Variants in GPRC5A observed in about 807,000 individuals in gnomAD.
GPRC5A encodes the protein G protein-coupled receptor class C group 5 member A.
A neutral mutation model predicts 22.5 loss-of-function variants in GPRC5A; 19 were observed. The observed-to-expected ratio is 0.85, with a 90% CI of 0.59 to 1.24. The LOEUF (loss-of-function observed/expected upper bound fraction) is 1.24, where lower values mean the gene tolerates loss of function less well. Ranked by LOEUF, GPRC5A falls within the 50% of genes most tolerant of loss-of-function variation. The probability of loss-of-function intolerance (pLI) is 0.00; values close to 1 mark genes in which losing one functional copy is unlikely to be tolerated. For synonymous variants in GPRC5A, 192 were observed against 184.5 expected, an observed-to-expected ratio of 1.04 and a Z score of -0.33; for missense variants, 471 against 451.1, an observed-to-expected ratio of 1.04 and a Z score of -0.40.
In GPRC5A at chr12:12,917,639, T is replaced by G. The variant is rs2136466511; in HGVS notation, c.*5100T>G. 1 of 152,318 alleles carries G rather than the reference T, an allele frequency of 6.6e-6. No individual in the cohort carries two copies. Among genetic ancestry groups the G allele is most frequent in the East Asian group, 1.9e-4 (1 of 5,182 alleles). The allele number at this position is 152,318 out of a possible 1,614,324, so 9.4% of individuals were successfully genotyped here. A position where few individuals can be genotyped will look rare whatever the true frequency, so the allele number is the denominator to read the frequency against. ...TCCTCTGGTCATCTCCTCTCCCTTC[T>G]GCGTGTAAGCCATGGGAAAGGGATG... On this transcript the variant is annotated 3_prime_UTR_variant, in exon 4 of 4. Transcript: ENST00000014914.
intron 1 of GPRC5A, among the ~76,000 whole-genome samples, chr12:12,905,262 C>T (rs1863929379): frequency 6.6e-6 from 1 of 152,152 alleles, no homozygotes; most frequent in South Asian, 2.1e-4. Context: ...TCTTTTCCTG[C>T]TTCCCAACCC....
rs771772986 is a variant in GPRC5A, at chr12:12,917,239, TGTGTGTGTGTGTGCGTGC to T, written c.*4704_*4721del. On this transcript the variant is annotated 3_prime_UTR_variant, in exon 4 of 4. Transcript: ENST00000014914. ...GTGTGTGTGTGTGTGTGTGTGTGTG[TGTGTGTGTGTGTGCGTGC>T]GTGCGTGTATGTGCGCCTGACCCTG... 7.3e-4 allele frequency: 90 copies of T among 123,856 alleles called. No homozygotes were observed. The highest frequency in any genetic ancestry group is 7.0e-3 in the East Asian group (28 of 4,004). The allele number at this position is 123,856 out of a possible 1,614,324, so 7.7% of individuals were successfully genotyped here. A position where few individuals can be genotyped will look rare whatever the true frequency, so the allele number is the denominator to read the frequency against.
At chr12:12,901,983 T>C (rs1863892874) in intron 1 of GPRC5A, among the ~76,000 whole-genome samples, 1 of 152,214 alleles carries the variant, frequency 6.6e-6, no homozygotes, top group African/African-American at 2.4e-5. Context: ...GCTGTTTCTC[T>C]AGCTCCAGAC....
In GPRC5A at chr12:12,908,531, G is replaced by A. The variant is rs1863967064; in HGVS notation, c.282G>A (p.Gly94=). The change falls in exon 2 of 4, where the codon GGG becomes GGA. Residue 94 remains glycine (G), a synonymous_variant. Transcript: ENST00000014914. ...TCATCGGACTGGACGGGAGCACAGGGCCCACACGCTTCTTCCTCTTTGGGA... is the reference window on the plus strand; with the variant it reads ...TCATCGGACTGGACGGGAGCACAGGACCCACACGCTTCTTCCTCTTTGGGA... The part of the protein sequence containing the change: ...AFIIGLDGST[G]PTRFFLFGIL... 6.2e-7 allele frequency: 1 copy of A among 1,614,106 alleles called. No individual in the cohort carries two copies. The highest frequency in any genetic ancestry group is 1.1e-5 in the South Asian group (1 of 91,078).
At chr12:12,904,699 A>G in intron 1 of GPRC5A, among the ~76,000 whole-genome samples, 1 of 152,134 alleles carries the variant, frequency 6.6e-6, no homozygotes, top group East Asian at 1.9e-4. Flanking sequence ...ATCTGGTGTC[A>G]CTTTAACACA....
chr12:12,894,940 G>A (rs1326955343), intron 1 of GPRC5A, among the ~76,000 whole-genome samples: 4 of 151,868 alleles, frequency 2.6e-5, no homozygotes, highest in South Asian at 2.1e-4. Context: ...CACCATGCCC[G>A]GCTAATTTTT....
rs571060246 is a variant in GPRC5A, at chr12:12,915,798, G to A, written c.*3259G>A. ...CTGAAAGTGCTGGGATTACAGGCAT[G>A]AGCCACCGCGCCCGGCCCCGTTGTT... is the stretch of plus-strand genomic sequence containing the variant. On this transcript the variant is annotated 3_prime_UTR_variant, in exon 4 of 4. Transcript: ENST00000014914. The A allele has an allele frequency of 4.0e-6, 2 of 501,662 alleles. No homozygotes were observed. The highest frequency in any genetic ancestry group is 2.1e-5 in the Admixed American group (1 of 48,056). The allele number at this position is 501,662 out of a possible 1,614,324, so 31.1% of individuals were successfully genotyped here.
chr12:12,897,269 A>C (rs563333562), intron 1 of GPRC5A, among the ~76,000 whole-genome samples: 11 of 151,460 alleles, frequency 7.3e-5, no homozygotes, highest in African/African-American at 2.7e-4. Flanking sequence ...TAATAGTAAT[A>C]ATGATAATAA....
chr12:12,911,488 C>CTT (rs985574641), intron 2 of GPRC5A, among the ~76,000 whole-genome samples: 2 of 142,586 alleles, frequency 1.4e-5, no homozygotes, highest in African/African-American at 2.6e-5. Context: ...ATGACTTTTT[C>CTT]TTTTTTTTTT....
chr12:12,898,370 C>CA (rs1202137756), intron 1 of GPRC5A, among the ~76,000 whole-genome samples: 1 of 152,056 alleles, frequency 6.6e-6, no homozygotes, highest in African/African-American at 2.4e-5. Context: ...CCCACCTCTA[C>CA]AAAAAATACA....
Position 12,916,141 on chromosome 12 carries a change from C to A in GPRC5A, c.*3602C>A, listed in dbSNP as rs138220174. ...CTGAGAATCAAACTGGAGAACATTCCGAAGCCGTTCTTATAAGTGTCTCCA... is the reference window on the plus strand; with the variant it reads ...CTGAGAATCAAACTGGAGAACATTCAGAAGCCGTTCTTATAAGTGTCTCCA... On this transcript the variant is annotated 3_prime_UTR_variant, in exon 4 of 4. Transcript: ENST00000014914. 137 of 171,774 alleles carry A rather than the reference C, an allele frequency of 8.0e-4. No individual in the cohort carries two copies. Among genetic ancestry groups the A allele is most frequent in the African/African-American group, 3.2e-3 (135 of 41,936 alleles). The allele number at this position is 171,774 out of a possible 1,614,324, so 10.6% of individuals were successfully genotyped here.
At chr12:12,900,872 A>T (rs1473925099) in intron 1 of GPRC5A, among the ~76,000 whole-genome samples, 5 of 142,674 alleles carry the variant, frequency 3.5e-5, no homozygotes, top group African/African-American at 1.3e-4. Context: ...CCTGGGCAAC[A>T]AGAGTAAAAA....
intron 2 of GPRC5A, 29 bp downstream of exon 2, chr12:12,909,200 A>G (rs560819528): frequency 2.2e-5 from 32 of 1,453,200 alleles, no homozygotes; most frequent in African/African-American, 2.8e-5. Context: ...TAGGCAGAGA[A>G]TCCCTTGTAG....
intron 1 of GPRC5A, among the ~76,000 whole-genome samples, chr12:12,906,883 C>A (rs1592350602): frequency 1.3e-5 from 2 of 152,136 alleles, no homozygotes; most frequent in Admixed American, 1.3e-4. Context: ...CATGCAGAAA[C>A]CCCATCTCTA....
Position 12,915,868 on chromosome 12 carries a change from G to C in GPRC5A, c.*3329G>C, listed in dbSNP as rs778681644. ...TGGTCTCTGAAGCCTGCAGGGGCAGGCCAGCCCTGCACTGAACGCCTGTTC... is the reference window on the plus strand; with the variant it reads ...TGGTCTCTGAAGCCTGCAGGGGCAGCCCAGCCCTGCACTGAACGCCTGTTC... On this transcript the variant is annotated 3_prime_UTR_variant, in exon 4 of 4. Coordinates refer to ENST00000014914, the MANE Select transcript of GPRC5A (RefSeq NM_003979.4). 6 of 527,740 alleles carry C rather than the reference G, an allele frequency of 1.1e-5. No homozygotes were observed. The highest frequency in any genetic ancestry group is 2.0e-5 in the Admixed American group (1 of 51,184). 32.7% of individuals were successfully genotyped at this position (527,740 alleles called of 1,614,324 possible). A position where few individuals can be genotyped will look rare whatever the true frequency, so the allele number is the denominator to read the frequency against.
chr12:12,911,665 T>C (rs1186578593), intron 2 of GPRC5A, among the ~76,000 whole-genome samples: 2 of 152,110 alleles, frequency 1.3e-5, no homozygotes, highest in Non-Finnish European at 2.9e-5. Context: ...ATTTTTTGTA[T>C]TTTTAATAGA....
intron 2 of GPRC5A, 36 bp from the exon 3 acceptor site, chr12:12,912,048 C>T: frequency 6.7e-7 from 1 of 1,495,798 alleles, no homozygotes; most frequent in South Asian, 1.1e-5. Flanking sequence ...AGGTGGGGGC[C>T]CCAGTGGTTT....
intron 1 of GPRC5A, among the ~76,000 whole-genome samples, chr12:12,907,143 C>A (rs548626652): frequency 1.3e-5 from 2 of 151,884 alleles, no homozygotes; most frequent in Non-Finnish European, 2.9e-5. Flanking sequence ...AGGACCCAGC[C>A]GCTGGCTCAG....
rs59721062 is a variant in GPRC5A, at chr12:12,914,594, T to TTCTTTCTTTCTTTCTTTCTTTCTCTC, written c.*2058_*2059insTTCTTTCTTTCTTTCTTTCTCTCTCT. The stretch of plus-strand genomic sequence containing the variant: ...TTTCTTTCTTTCTTTCTTTCTTTCT[T>TTCTTTCTTTCTTTCTTTCTTTCTCTC]TCTCTCTCTCTCTCTCTCTCTCTTT... On this transcript the variant is annotated 3_prime_UTR_variant, in exon 4 of 4. Coordinates refer to ENST00000014914, the MANE Select transcript of GPRC5A (RefSeq NM_003979.4). The TTCTTTCTTTCTTTCTTTCTTTCTCTC allele has an allele frequency of 4.2e-4, 34 of 81,570 alleles. No homozygotes were observed. The highest frequency in any genetic ancestry group is 1.7e-3 in the African/African-American group (26 of 15,566). 5.1% of individuals were successfully genotyped at this position (81,570 alleles called of 1,614,324 possible).
Sources: allele counts gnomAD v4.1 joint callset (sites outside exome capture counted in the v4.1 genomes callset), GRCh38; gene constraint gnomAD v4.1.1; transcripts MANE v1.5; gene names NCBI Gene and HGNC (gene_info 2026-07-23, HGNC 2026-07-21).